CTDSPL2: variants seen among roughly 807,000 people sequenced by gnomAD.
CTDSPL2 encodes the protein CTD small phosphatase-like protein 2.
A neutral mutation model predicts 60.0 loss-of-function variants in CTDSPL2; 5 were observed. The ratio of observed to expected loss-of-function variants is 0.08; its 90% CI spans 0.04 to 0.18. The LOEUF is 0.18. CTDSPL2 is among the 10% of genes least tolerant of loss of function. The pLI is 1.00. For synonymous variants in CTDSPL2, 186 were observed against 189.3 expected (o/e 0.98, Z 0.14); for missense variants, 370 against 548.8 (o/e 0.67, Z 3.26).
chr15:44,450,550 T>C (rs2080312687), intron 1 of CTDSPL2, among the ~76,000 whole-genome samples: 1 of 151,800 alleles, frequency 6.6e-6, no homozygotes, highest in Non-Finnish European at 1.5e-5. Flanking sequence ...TTTATCTGTA[T>C]ATTGGAATAT....
At chr15:44,505,488 C>T (rs913526773) in intron 8 of CTDSPL2, among the ~76,000 whole-genome samples, 2 of 151,940 alleles carry the variant, frequency 1.3e-5, no homozygotes, top group African/African-American at 4.8e-5. Context: ...AATCCCAGCA[C>T]TTTGGGAGGC....
intron 2 of CTDSPL2, among the ~76,000 whole-genome samples, chr15:44,462,771 A>G (rs1182419754): frequency 2.0e-5 from 3 of 147,414 alleles, no homozygotes; most frequent in Non-Finnish European, 4.4e-5. Context: ...CAGTGGCACA[A>G]TCTCAGCTCA....
At chr15:44,439,470 T>C (rs1333118667) in intron 1 of CTDSPL2, among the ~76,000 whole-genome samples, 1 of 152,076 alleles carries the variant, frequency 6.6e-6, no homozygotes, top group Non-Finnish European at 1.5e-5. Flanking sequence ...GTTCCATTTT[T>C]TACTGATACA....
chr15:44,433,419 C>A (rs1044073622), intron 1 of CTDSPL2, among the ~76,000 whole-genome samples: 18 of 151,524 alleles, frequency 1.2e-4, no homozygotes, highest in South Asian at 8.3e-4. Flanking sequence ...CCACTGCGCT[C>A]AGCCTAAGTA....
chr15:44,524,399 G>A lies in CTDSPL2; in HGVS notation c.*225G>A. On this transcript the variant is annotated 3_prime_UTR_variant, in exon 13 of 13. Coordinates refer to ENST00000260327, the MANE Select transcript of CTDSPL2 (RefSeq NM_016396.3). ...TAAAACAGAAGAGTCTTTAGAACTA[G>A]TGCAACTCCAGTGAAATTTTTTATG... 4.1e-6 allele frequency: 2 copies of A among 482,124 alleles called. No homozygotes were observed. Among genetic ancestry groups the A allele is most frequent in the Non-Finnish European group, 7.4e-6 (2 of 271,040 alleles). 29.9% of individuals were successfully genotyped at this position (482,124 alleles called of 1,614,324 possible). A position where few individuals can be genotyped will look rare whatever the true frequency, so the allele number is the denominator to read the frequency against.
intron 7 of CTDSPL2, among the ~76,000 whole-genome samples, chr15:44,497,761 GAAC>G (rs1225608645): frequency 1.3e-5 from 2 of 151,990 alleles, no homozygotes; most frequent in African/African-American, 4.8e-5. Flanking sequence ...TTGGGAGGCC[GAAC>G]TTTTGGCCGA....
At chr15:44,470,688 T>TA (rs2080788938) in intron 2 of CTDSPL2, 1 of 152,200 alleles carries the variant, frequency 6.6e-6, no homozygotes, top group East Asian at 1.9e-4. Flanking sequence ...CCACAGATGA[T>TA]ACACCAACCT....
At chr15:44,496,535 T>C in intron 6 of CTDSPL2, 77 bp downstream of exon 6, 2 of 1,084,436 alleles carry the variant, frequency 1.8e-6, no homozygotes, top group Non-Finnish European at 2.8e-6. Context: ...GATTGGTGGC[T>C]AAATAGTATA....
chr15:44,519,769 T>C (rs1049488680), intron 11 of CTDSPL2: 1 of 153,034 alleles, frequency 6.5e-6, no homozygotes, highest in Non-Finnish European at 1.5e-5. Flanking sequence ...TTTTTGTTTT[T>C]TTTTGTTTTT....
At chr15:44,506,081 G>A (rs1182337385) in intron 8 of CTDSPL2, among the ~76,000 whole-genome samples, 2 of 142,076 alleles carry the variant, frequency 1.4e-5, no homozygotes, top group East Asian at 4.3e-4. Flanking sequence ...CCAGGCTGGA[G>A]TGCAATGGCG....
chr15:44,514,904 T>G, intron 10 of CTDSPL2, 60 bp downstream of exon 10: 1 of 1,024,482 alleles, frequency 9.8e-7, no homozygotes, highest in South Asian at 1.5e-5. Flanking sequence ...AATTACTGAT[T>G]CTATTTCATT....
At chr15:44,460,400 G>A (rs891084766) in intron 2 of CTDSPL2, among the ~76,000 whole-genome samples, 8 of 152,126 alleles carry the variant, frequency 5.3e-5, no homozygotes, top group Non-Finnish European at 8.8e-5. Flanking sequence ...GAGCCACCGC[G>A]CCCGGCCTCA....
intron 8 of CTDSPL2, among the ~76,000 whole-genome samples, chr15:44,504,083 C>T (rs892343622): frequency 1.3e-5 from 2 of 152,290 alleles, no homozygotes; most frequent in Non-Finnish European, 2.9e-5. Flanking sequence ...TGCAGTGGCT[C>T]ACGCCTGTAA....
chr15:44,522,449 G>A (rs2081796503), intron 12 of CTDSPL2, among the ~76,000 whole-genome samples: 1 of 152,118 alleles, frequency 6.6e-6, no homozygotes, highest in Admixed American at 6.5e-5. Flanking sequence ...CTAAGCAGTT[G>A]TGTTAGAAAT....
chr15:44,428,213 T>A (rs1481713830), intron 1 of CTDSPL2: 1 of 152,262 alleles, frequency 6.6e-6, no homozygotes, highest in African/African-American at 2.4e-5. Flanking sequence ...TCAGTTCTTA[T>A]AAACACCTTT....
In CTDSPL2 at chr15:44,524,679, T is replaced by G. The variant is rs892864022; in HGVS notation, c.*505T>G. 9 of 152,890 alleles carry G rather than the reference T, an allele frequency of 5.9e-5. No homozygotes were observed. Among genetic ancestry groups the G allele is most frequent in the African/African-American group, 2.2e-4 (9 of 41,458 alleles). The allele number at this position is 152,890 out of a possible 1,614,324, so 9.5% of individuals were successfully genotyped here. A position where few individuals can be genotyped will look rare whatever the true frequency, so the allele number is the denominator to read the frequency against. On this transcript the variant is annotated 3_prime_UTR_variant, in exon 13 of 13. Transcript: ENST00000260327. ...TTTACATTTTTGACCTGTATTAGATTAGAATTTCATTATGCATTCCTTTTA... is the reference window on the plus strand; with the variant it reads ...TTTACATTTTTGACCTGTATTAGATGAGAATTTCATTATGCATTCCTTTTA...
At chr15:44,492,783 G>A (rs188394029) in intron 5 of CTDSPL2, among the ~76,000 whole-genome samples, 10 of 152,092 alleles carry the variant, frequency 6.6e-5, no homozygotes, top group South Asian at 2.1e-4. Context: ...ATACAATTAC[G>A]TTCATTCTTT....
At chr15:44,456,001 C>T (rs1159836926) in intron 1 of CTDSPL2, among the ~76,000 whole-genome samples, 1 of 151,236 alleles carries the variant, frequency 6.6e-6, no homozygotes, top group Non-Finnish European at 1.5e-5. Context: ...CAGGCGCCCG[C>T]CACCTCGCCC....
Position 44,513,563 on chromosome 15 carries a change from G to T in CTDSPL2, c.970-1035G>T, listed in dbSNP as rs150153799. On this transcript the variant is annotated intron_variant, in intron 8 of 12. Coordinates refer to ENST00000260327, the MANE Select transcript of CTDSPL2 (RefSeq NM_016396.3). ...CCTAGAACTAGATTTTTGTCATGGG[G>T]GCATTTTTGTGTGCATGTATATGGA... Among the ~76,000 whole-genome samples, 561 of 152,214 alleles carry T rather than the reference G, an allele frequency of 3.7e-3. 2 individuals carry two copies. Among genetic ancestry groups the T allele is most frequent in the African/African-American group, 0.013 (536 of 41,532 alleles).
Sources: allele counts gnomAD v4.1 joint callset (sites outside exome capture counted in the v4.1 genomes callset), GRCh38; gene constraint gnomAD v4.1.1; transcripts MANE v1.5; gene names NCBI Gene and HGNC (gene_info 2026-07-23, HGNC 2026-07-21).